Variants in STK32B observed in about 807,000 individuals in gnomAD.
The protein encoded by STK32B is serine/threonine-protein kinase 32B.
In STK32B, 43 loss-of-function variants were observed where a neutral mutation model predicts 52.6. The ratio of observed to expected loss-of-function variants is 0.82; its 90% CI spans 0.64 to 1.05. The LOEUF (loss-of-function observed/expected upper bound fraction) is 1.05. Among genes scored for constraint, STK32B ranks in the 50% least tolerant of loss-of-function variants. STK32B has a pLI of 0.00. For missense variants in STK32B, 621 were observed against 534.6 expected (o/e 1.16, Z -1.59); for synonymous variants, 238 against 204.3 (o/e 1.17, Z -1.41).
At chr4:5,209,680 A>G (rs1722789114) in intron 3 of STK32B, among the ~76,000 whole-genome samples, 1 of 152,126 alleles carries the variant, frequency 6.6e-6, no homozygotes, top group South Asian at 2.1e-4. Context: ...AGCAGCTGCC[A>G]TCTACACCAA....
chr4:5,143,478 ACTTC>A (rs914241401), intron 2 of STK32B, among the ~76,000 whole-genome samples: 12 of 151,822 alleles, frequency 7.9e-5, no homozygotes, highest in African/African-American at 2.9e-4. Flanking sequence ...TCCTTCTCAC[ACTTC>A]CTTGTGGGTC....
chr4:5,210,565 G>T (rs12233750), intron 3 of STK32B, among the ~76,000 whole-genome samples: 4 of 151,934 alleles, frequency 2.6e-5, no homozygotes, highest in African/African-American at 9.6e-5. Context: ...AACTCTACTT[G>T]TGGGCTTATG....
chr4:5,302,990 G>T (rs1248885905), intron 3 of STK32B, among the ~76,000 whole-genome samples: 2 of 151,474 alleles, frequency 1.3e-5, no homozygotes, highest in Non-Finnish European at 2.9e-5. Context: ...GTCTGTGTGT[G>T]TGTGTGTTTG....
At chr4:5,451,347 G>T (rs575814074) in intron 7 of STK32B, among the ~76,000 whole-genome samples, 20 of 152,236 alleles carry the variant, frequency 1.3e-4, no homozygotes, top group African/African-American at 4.8e-4. Context: ...AAACATTTTG[G>T]CCTACCCACC....
At chr4:5,432,034 T>C (rs184052346) in intron 6 of STK32B, among the ~76,000 whole-genome samples, 1 of 152,344 alleles carries the variant, frequency 6.6e-6, no homozygotes, top group Non-Finnish European at 1.5e-5. Context: ...TCAGTAATAA[T>C]GAATTACTGT....
At chr4:5,092,096 G>A (rs1013986638) in intron 1 of STK32B, among the ~76,000 whole-genome samples, 3 of 152,304 alleles carry the variant, frequency 2.0e-5, no homozygotes, top group South Asian at 4.1e-4. Context: ...GGAGTGAAAC[G>A]TCCTGGAATT....
At chr4:5,027,114 T>C in the STK32B span, among the ~76,000 whole-genome samples, 1 of 152,176 alleles carries the variant, frequency 6.6e-6, no homozygotes, top group Non-Finnish European at 1.5e-5. Context: ...CCTGTTGATA[T>C]TGGTATTCCT....
At chr4:5,293,187 A>G (rs539249183) in intron 3 of STK32B, among the ~76,000 whole-genome samples, 1 of 152,074 alleles carries the variant, frequency 6.6e-6, no homozygotes, top group South Asian at 2.1e-4. Flanking sequence ...TATCCAGTCT[A>G]TCATTGTTGG....
At chr4:5,181,329 G>GACACACATACACACACACAC (rs777338742) in intron 3 of STK32B, among the ~76,000 whole-genome samples, 133 of 138,116 alleles carry the variant, frequency 9.6e-4, no homozygotes, top group African/African-American at 2.8e-3. Flanking sequence ...TGGAGAGTGA[G>GACACACATACACACACACAC]ACACACACAC....
At chr4:5,218,295 TCTGA>T (rs1723306204) in intron 3 of STK32B, among the ~76,000 whole-genome samples, 1 of 152,212 alleles carries the variant, frequency 6.6e-6, no homozygotes, top group African/African-American at 2.4e-5. Context: ...AAAAGATCAC[TCTGA>T]CTGTTATGTG....
intron 2 of STK32B, among the ~76,000 whole-genome samples, chr4:5,163,612 AG>A (rs1318631512): frequency 8.0e-5 from 12 of 150,104 alleles, no homozygotes; most frequent in Admixed American, 2.7e-4. Context: ...GGAGGGGACA[AG>A]GTCTTTGAAT....
chr4:5,468,625 GAAC>G (rs1390808273), intron 11 of STK32B, among the ~76,000 whole-genome samples: 1 of 152,170 alleles, frequency 6.6e-6, no homozygotes, highest in African/African-American at 2.4e-5. Flanking sequence ...GGGGATGCTG[GAAC>G]CTCAGCAGCC....
chr4:5,234,595 G>C (rs1016542690), intron 3 of STK32B, among the ~76,000 whole-genome samples: 31 of 152,142 alleles, frequency 2.0e-4, no homozygotes, highest in African/African-American at 7.2e-4. Context: ...TTTTATTTCT[G>C]TATTATAAGT....
chr4:5,023,568 G>A, the STK32B span, among the ~76,000 whole-genome samples: 1 of 152,084 alleles, frequency 6.6e-6, no homozygotes, highest in East Asian at 1.9e-4. Context: ...GCAGAACGGA[G>A]GTGTGGCGAT....
the STK32B span, among the ~76,000 whole-genome samples, chr4:5,026,893 T>G: frequency 0.36 from 54,542 of 152,178 alleles, 10,879 homozygotes; most frequent in Middle Eastern, 0.53. Context: ...GCTTCCATCT[T>G]TTTTAGAAAA....
At chr4:5,296,492 C>T (rs1048951431) in intron 3 of STK32B, among the ~76,000 whole-genome samples, 1 of 152,096 alleles carries the variant, frequency 6.6e-6, no homozygotes, top group Non-Finnish European at 1.5e-5. Context: ...CTTCTTGTTG[C>T]ATTGATCCCT....
rs968187640 is a variant in STK32B, at chr4:5,402,535, G to A, written c.472+4291G>A. On this transcript the variant is annotated intron_variant, in intron 5 of 11. Transcript: ENST00000282908. ...CTTGTTGCACACCTGCCATGGCCAG[G>A]CATTGTGTCCAGTGACCACAGAAGG... 3.9e-5 allele frequency among the ~76,000 whole-genome samples: 6 copies of A among 152,236 alleles called. No homozygotes were observed. The East Asian group carries it at 1.2e-3, about 29-fold the overall frequency.
At position 5,446,562 on chromosome 4, in the gene STK32B, A is replaced by C. The variant is rs527913429; in HGVS notation, c.563-111A>C. ...GCAGAGCAAAACTCTATCTCAAAAA[A>C]AAACAAAAAAAAAAAAAACAAGCTC... is the stretch of plus-strand genomic sequence containing the variant. On this transcript the variant is annotated intron_variant, in intron 6 of 11. Transcript: ENST00000282908. 9.3e-4 allele frequency: 933 copies of C among 998,568 alleles called. 1 individual carries two copies. Among genetic ancestry groups the C allele is most frequent in the Admixed American group, 1.9e-3 (76 of 39,642 alleles). The allele number at this position is 998,568 out of a possible 1,614,324, so 61.9% of individuals were successfully genotyped here. A position where few individuals can be genotyped will look rare whatever the true frequency, so the allele number is the denominator to read the frequency against.
At chr4:5,305,118 A>G (rs1729836476) in intron 3 of STK32B, among the ~76,000 whole-genome samples, 1 of 152,062 alleles carries the variant, frequency 6.6e-6, no homozygotes, top group African/African-American at 2.4e-5. Context: ...TTTTGCAGCT[A>G]TGTTCATCAG....
Sources: allele counts gnomAD v4.1 joint callset (sites outside exome capture counted in the v4.1 genomes callset), GRCh38; gene constraint gnomAD v4.1.1; transcripts MANE v1.5; gene names NCBI Gene and HGNC (gene_info 2026-07-23, HGNC 2026-07-21).